The following CHRM3 variants were observed in gnomAD, a reference collection of about 807,000 sequenced individuals.
CHRM3 encodes muscarinic acetylcholine receptor M3.
CHRM3 carries 11 observed loss-of-function variants against 41.8 expected under a neutral mutation model. That is an observed-to-expected ratio of 0.26 (90% CI 0.17 to 0.44). CHRM3 has a LOEUF of 0.44. CHRM3 is among the 20% of genes least tolerant of loss of function. The pLI, the probability that CHRM3 is intolerant of heterozygous loss-of-function variation, is 1.00. For synonymous variants in CHRM3, 297 were observed against 301.4 expected, an observed-to-expected ratio of 0.99 and a Z score of 0.15; for missense variants, 571 against 745.4, an observed-to-expected ratio of 0.77 and a Z score of 2.72.
chr1:239,874,245 A>AAT (rs201526626), intron 6 of CHRM3, among the ~76,000 whole-genome samples: 1,726 of 139,072 alleles, frequency 0.012, 58 homozygotes, highest in African/African-American at 0.046. Context: ...TATATATTCT[A>AAT]ATATATATAT....
chr1:239,544,557 G>C (rs1410044118), intron 2 of CHRM3, among the ~76,000 whole-genome samples: 1 of 152,100 alleles, frequency 6.6e-6, no homozygotes, highest in African/African-American at 2.4e-5. Context: ...ATTGCAAACA[G>C]AAAGATAACT....
intron 4 of CHRM3, among the ~76,000 whole-genome samples, chr1:239,633,751 C>CA (rs1670134738): frequency 7.5e-6 from 1 of 133,744 alleles, no homozygotes; most frequent in Non-Finnish European, 1.6e-5. Flanking sequence ...ATCACAGCAA[C>CA]AAAAGCCGAA....
rs555687337 is a variant in CHRM3, at chr1:239,643,686, C to T, written c.-250+11400C>T. Among the ~76,000 whole-genome samples the T allele has an allele frequency of 1.6e-4, 25 of 152,316 alleles. No individual in the cohort carries two copies. In the South Asian group the frequency reaches 5.2e-3, roughly 32 times the overall value. ...TGCCGTCTGTCACCCCTTTCTTTGA[C>T]TAGAAAAGGGAACTCCCTGACTCCT... On this transcript the variant is annotated intron_variant, in intron 4 of 6. Transcript: ENST00000676153.
At chr1:239,491,079 T>G (rs778272337) in intron 1 of CHRM3, among the ~76,000 whole-genome samples, 1 of 152,278 alleles carries the variant, frequency 6.6e-6, no homozygotes, top group South Asian at 2.1e-4. Context: ...TAATTATACA[T>G]ATTAGTGGGA....
At chr1:239,840,137 A>G (rs1397498038) in intron 6 of CHRM3, among the ~76,000 whole-genome samples, 1 of 152,198 alleles carries the variant, frequency 6.6e-6, no homozygotes. Context: ...GCATTTATCA[A>G]TTTTGGATCT....
chr1:239,404,194 C>A (rs1660246166), intron 1 of CHRM3, among the ~76,000 whole-genome samples: 1 of 150,180 alleles, frequency 6.7e-6, no homozygotes, highest in African/African-American at 2.4e-5. Context: ...GAGGCTGAGG[C>A]AGGAGAATGG....
chr1:239,581,843 T>C (rs1662927662), intron 3 of CHRM3, among the ~76,000 whole-genome samples: 1 of 152,008 alleles, frequency 6.6e-6, no homozygotes, highest in Non-Finnish European at 1.5e-5. Context: ...CTTACCACTT[T>C]GCTTTTCTGA....
intron 6 of CHRM3, among the ~76,000 whole-genome samples, chr1:239,837,198 G>A (rs777722202): frequency 5.3e-5 from 8 of 152,138 alleles, no homozygotes; most frequent in Admixed American, 3.3e-4. Context: ...GGGAGACCAC[G>A]TCTTACTTTT....
At chr1:239,894,401 A>G (rs920052643) in intron 6 of CHRM3, among the ~76,000 whole-genome samples, 6 of 152,226 alleles carry the variant, frequency 3.9e-5, no homozygotes, top group African/African-American at 1.2e-4. Flanking sequence ...GAAGCAGGAG[A>G]GAAGATTCCC....
chr1:239,467,032 A>C (rs1665779194), intron 1 of CHRM3, among the ~76,000 whole-genome samples: 1 of 152,112 alleles, frequency 6.6e-6, no homozygotes, highest in Non-Finnish European at 1.5e-5. Flanking sequence ...TTCAAATAAT[A>C]AGGAAATATT....
rs1275198810 is a variant in CHRM3 at position 239,819,022 on chromosome 1, G to A, written c.-146-8230G>A. On this transcript the variant is annotated intron_variant, in intron 5 of 6. Transcript: ENST00000676153. The stretch of plus-strand genomic sequence containing the variant: ...CTCTGCTTTGGCCTGGTCTGCTGGG[G>A]CCTAGTGCAGGAGCTCAGTCTAAAA... 3.3e-5 allele frequency among the ~76,000 whole-genome samples: 5 copies of A among 152,266 alleles called. 1 individual carries two copies. In the South Asian group the frequency reaches 1.0e-3, roughly 32 times the overall value.
intron 5 of CHRM3, among the ~76,000 whole-genome samples, chr1:239,738,015 AAC>A (rs2148472938): frequency 6.6e-6 from 1 of 152,080 alleles, no homozygotes; most frequent in South Asian, 2.1e-4. Flanking sequence ...CAACAACAAC[AAC>A]AAAAAACTGA....
At chr1:239,882,064 C>G (rs1677688167) in intron 6 of CHRM3, among the ~76,000 whole-genome samples, 2 of 152,096 alleles carry the variant, frequency 1.3e-5, no homozygotes, top group Admixed American at 6.5e-5. Context: ...CGCCACCATG[C>G]CCCGCTAATT....
At chr1:239,685,422 A>G (rs1311482634) in intron 5 of CHRM3, among the ~76,000 whole-genome samples, 1 of 152,222 alleles carries the variant, frequency 6.6e-6, no homozygotes, top group Non-Finnish European at 1.5e-5. Flanking sequence ...GTTGTAACCC[A>G]TAGTCGTTTG....
At chr1:239,428,251 A>G (rs114892872) in intron 1 of CHRM3, among the ~76,000 whole-genome samples, 1 of 152,312 alleles carries the variant, frequency 6.6e-6, no homozygotes, top group African/African-American at 2.4e-5. Context: ...AGGGTCTGAC[A>G]GTAGCAGATG....
intron 1 of CHRM3, among the ~76,000 whole-genome samples, chr1:239,403,780 A>G (rs1660180007): frequency 6.6e-6 from 1 of 151,918 alleles, no homozygotes; most frequent in South Asian, 2.1e-4. Context: ...CATCATAATC[A>G]TATGGGATGT....
chr1:239,903,477 C>T (rs998300504), intron 6 of CHRM3, among the ~76,000 whole-genome samples: 2 of 152,154 alleles, frequency 1.3e-5, no homozygotes, highest in Non-Finnish European at 2.9e-5. Flanking sequence ...TAATCTAAAG[C>T]TAGCAGTGGT....
At chr1:239,594,440 G>A (rs1031877336) in intron 3 of CHRM3, among the ~76,000 whole-genome samples, 4 of 152,200 alleles carry the variant, frequency 2.6e-5, no homozygotes, top group African/African-American at 4.8e-5. Flanking sequence ...TATTATGAAT[G>A]TAGCTGTGGT....
intron 5 of CHRM3, among the ~76,000 whole-genome samples, chr1:239,768,368 G>A (rs550706018): frequency 2.0e-5 from 3 of 152,138 alleles, no homozygotes; most frequent in African/African-American, 4.8e-5. Flanking sequence ...GTAAAATTAC[G>A]TAGCTGTTCA....
Sources: gnomAD v4.1 joint callset for allele counts (sites outside exome capture counted in the v4.1 genomes callset) on GRCh38, gnomAD v4.1.1 for gene constraint, MANE v1.5 for transcripts, NCBI Gene and HGNC (gene_info 2026-07-23, HGNC 2026-07-21) for gene names.